ALPL: variants seen among roughly 807,000 people sequenced by gnomAD.
ALPL encodes alkaline phosphatase, biomineralization associated.
In ALPL, 42 loss-of-function variants were observed where a neutral mutation model predicts 51.3. The ratio of observed to expected loss-of-function variants is 0.82; its 90% CI spans 0.64 to 1.06. The LOEUF (loss-of-function observed/expected upper bound fraction) is 1.06, where lower values mean the gene tolerates loss of function less well. Ranked by LOEUF, ALPL falls within the 50% of genes least tolerant of loss-of-function variation. The pLI, the probability that ALPL is intolerant of heterozygous loss-of-function variation, is 0.00. For synonymous variants in ALPL, 279 were observed against 296.4 expected, an observed-to-expected ratio of 0.94 and a Z score of 0.60; for missense variants, 589 against 709.4, an observed-to-expected ratio of 0.83 and a Z score of 1.93.
rs371114289 is a variant in ALPL, at chr1:21,520,410, C to T, written c.-105+10893C>T. Among the ~76,000 whole-genome samples the T allele has an allele frequency of 4.1e-4, 62 of 151,420 alleles. 1 individual carries two copies. In the South Asian group the frequency reaches 0.012, roughly 30 times the overall value. ...TTCCCAAAATGTTGGGATTAACAGG[C>T]GGTGAGCCACCAGGCCTGGCATATT... On this transcript the variant is annotated intron_variant, in intron 1 of 11. Coordinates refer to ENST00000374840, the MANE Select transcript of ALPL (RefSeq NM_000478.6).
At chr1:21,576,060 C>T in intron 10 of ALPL, 136 bp downstream of exon 10, 1 of 1,110,940 alleles carries the variant, frequency 9.0e-7, no homozygotes, top group Non-Finnish European at 1.3e-6. Context: ...GGAAGAGTTA[C>T]TGGGGATGGG....
chr1:21,550,278 ACTGATGGTAAC>A (rs990264933), intron 1 of ALPL, among the ~76,000 whole-genome samples: 7 of 152,266 alleles, frequency 4.6e-5, no homozygotes, highest in African/African-American at 1.7e-4. Context: ...GGAGGGGGTG[ACTGATGGTAAC>A]CTGATTGCTA....
rs200291738 is a variant in ALPL, at chr1:21,578,333, A to AT, written c.*694dup. On this transcript the variant is annotated 3_prime_UTR_variant, in exon 12 of 12. Transcript: ENST00000374840. This position sits in a 1 kb window ranked among gnomAD's most constrained non-coding sequence, Gnocchi z 4.2. The stretch of plus-strand genomic sequence containing the variant: ...CTCCTGTTTGGAACGGCAAAAAAAA[A>AT]TTTTTTTTTCTCTTTTTGGTGGTGG... The AT allele has an allele frequency of 8.2e-3, 1,244 of 152,314 alleles. 6 individuals are homozygous for AT. The highest frequency in any genetic ancestry group is 0.014 in the Non-Finnish European group (919 of 67,972). The allele number at this position is 152,314 out of a possible 1,614,324, so 9.4% of individuals were successfully genotyped here.
chr1:21,575,981 G>T, intron 10 of ALPL, 57 bp downstream of exon 10: 1 of 1,597,556 alleles, frequency 6.3e-7, no homozygotes, highest in South Asian at 1.1e-5. Context: ...ACCCACCTGG[G>T]AGCAGGAGTG....
In ALPL at chr1:21,575,866, G is replaced by A. The variant is rs777986840; in HGVS notation, c.1131G>A (p.Ala377=). The change falls in exon 10 of 12, where the codon GCG becomes GCA. Residue 377 remains alanine, a synonymous_variant. Coordinates refer to ENST00000374840, the MANE Select transcript of ALPL (RefSeq NM_000478.6). ...SSEDTLTVVT[A]DHSHVFTFGG... ...AAGACACTCTGACCGTGGTCACTGCGGACCATTCCCACGTCTTCACATTTG... is the reference window on the plus strand; with the variant it reads ...AAGACACTCTGACCGTGGTCACTGCAGACCATTCCCACGTCTTCACATTTG... The A allele has an allele frequency of 2.1e-5, 34 of 1,614,078 alleles. No individual in the cohort carries two copies. Among genetic ancestry groups the A allele is most frequent in the Non-Finnish European group, 2.5e-5 (30 of 1,180,040 alleles).
At chr1:21,543,353 CT>C (rs963566034) in intron 1 of ALPL, among the ~76,000 whole-genome samples, 36 of 152,230 alleles carry the variant, frequency 2.4e-4, no homozygotes, top group African/African-American at 8.7e-4. Context: ...CCCCAAAAAC[CT>C]CACGATATAG....
chr1:21,572,169 TA>T (rs1331810484), intron 8 of ALPL, among the ~76,000 whole-genome samples: 2 of 152,140 alleles, frequency 1.3e-5, no homozygotes, highest in African/African-American at 2.4e-5. Flanking sequence ...CTTAACAGTT[TA>T]AAACAAGAGT....
intron 5 of ALPL, 83 bp downstream of exon 5, chr1:21,563,367 G>A (rs901112963): frequency 2.0e-6 from 3 of 1,465,212 alleles, no homozygotes; most frequent in African/African-American, 1.4e-5. Flanking sequence ...CATGGGAAGG[G>A]GCTAGAAAAG....
chr1:21,551,180 C>G (rs549607989), intron 1 of ALPL: 3 of 152,156 alleles, frequency 2.0e-5, no homozygotes, highest in Non-Finnish European at 4.4e-5. Flanking sequence ...TCCCTTCCCC[C>G]CACAACCTTC....
At chr1:21,568,270 G>A in intron 7 of ALPL, 23 bp downstream of exon 7, 1 of 1,613,878 alleles carries the variant, frequency 6.2e-7, no homozygotes, top group Middle Eastern at 1.7e-4. Context: ...GGGGCCATGT[G>A]GCTGCAGAGG....
chr1:21,572,253 T>C (rs1162750601), intron 8 of ALPL, among the ~76,000 whole-genome samples: 1 of 152,218 alleles, frequency 6.6e-6, no homozygotes, highest in African/African-American at 2.4e-5. Context: ...TCCCATGAGG[T>C]CACAGTCATC....
At chr1:21,517,598 T>C (rs535183821) in intron 1 of ALPL, among the ~76,000 whole-genome samples, 3 of 152,192 alleles carry the variant, frequency 2.0e-5, no homozygotes, top group South Asian at 2.1e-4. Context: ...CACCCCCTCA[T>C]AGGAAATGAC....
intron 2 of ALPL, 69 bp downstream of exon 2, chr1:21,554,211 A>C: frequency 6.7e-7 from 1 of 1,489,852 alleles, no homozygotes; most frequent in Non-Finnish European, 9.4e-7. Flanking sequence ...GGCAGTGTCT[A>C]TGTTTTAAGG....
chr1:21,512,736 C>G (rs529169631), intron 1 of ALPL, among the ~76,000 whole-genome samples: 5 of 152,138 alleles, frequency 3.3e-5, no homozygotes, highest in Admixed American at 3.3e-4. Context: ...TCCCAACCCC[C>G]CCGCCAACAC....
chr1:21,548,502 GTT>G (rs1038101910), intron 1 of ALPL, among the ~76,000 whole-genome samples: 6 of 152,220 alleles, frequency 3.9e-5, no homozygotes, highest in Admixed American at 1.3e-4. Flanking sequence ...TGGGTAAGAT[GTT>G]GGTCTTTACG....
chr1:21,542,753 G>A (rs557909324), intron 1 of ALPL, among the ~76,000 whole-genome samples: 11 of 152,282 alleles, frequency 7.2e-5, no homozygotes, highest in South Asian at 4.1e-4. Context: ...CATGAGAATC[G>A]CTTGAACTCT....
At chr1:21,556,218 A>T (rs1644412014) in intron 2 of ALPL, among the ~76,000 whole-genome samples, 1 of 152,178 alleles carries the variant, frequency 6.6e-6, no homozygotes, top group Non-Finnish European at 1.5e-5. Context: ...ATAAATTCAG[A>T]TCCCCACTTA....
intron 8 of ALPL, among the ~76,000 whole-genome samples, chr1:21,571,706 T>TGTG (rs1644651668): frequency 6.9e-6 from 1 of 145,638 alleles, no homozygotes; most frequent in African/African-American, 2.6e-5. Context: ...CGAAAAAACT[T>TGTG]AGGCCAGGTG....
intron 1 of ALPL, among the ~76,000 whole-genome samples, chr1:21,547,548 C>A (rs1445831250): frequency 6.6e-6 from 1 of 152,192 alleles, no homozygotes; most frequent in Admixed American, 6.5e-5. Context: ...TGGCCTGACT[C>A]CCCCTGCATC....
Sources: gnomAD v4.1 joint callset for allele counts (sites outside exome capture counted in the v4.1 genomes callset) on GRCh38, gnomAD v4.1.1 for gene constraint, Gnocchi (gnomAD v3.1) non-coding constraint, MANE v1.5 for transcripts, NCBI Gene and HGNC (gene_info 2026-07-23, HGNC 2026-07-21) for gene names.